Variants in APOOL observed in about 807,000 individuals in gnomAD.
The protein encoded by APOOL is MICOS complex subunit MIC27.
In APOOL, 12 loss-of-function variants were observed where a neutral mutation model predicts 23.1. The observed-to-expected ratio is 0.52, with a 90% CI of 0.33 to 0.84. The LOEUF (loss-of-function observed/expected upper bound fraction) is 0.84, where lower values mean the gene tolerates loss of function less well. APOOL is among the 40% of genes least tolerant of loss of function. The probability of loss-of-function intolerance (pLI) is 0.02; values close to 1 mark genes in which losing one functional copy is unlikely to be tolerated. For missense variants in APOOL, 212 were observed against 199.6 expected (o/e 1.06, Z -0.37); for synonymous variants, 77 against 69.9 (o/e 1.10, Z -0.51).
intron 5 of APOOL, among the ~76,000 whole-genome samples, chrX:85,062,832 T>C (rs774279837): frequency 9.0e-6 from 1 of 111,674 alleles, no homozygotes; most frequent in Admixed American, 9.6e-5. Flanking sequence ...CTTAGGGTTG[T>C]CCTGGCTATA....
intron 5 of APOOL, among the ~76,000 whole-genome samples, chrX:85,063,851 C>G (rs1971946038): frequency 9.0e-6 from 1 of 110,628 alleles, no homozygotes; most frequent in South Asian, 3.8e-4. Flanking sequence ...TTTGTTGTAT[C>G]TCTGCCAGGC....
intron 2 of APOOL, among the ~76,000 whole-genome samples, chrX:85,050,606 C>CAAA (rs58559539): frequency 1.6e-5 from 1 of 62,115 alleles, no homozygotes. Flanking sequence ...AATATAAAAG[C>CAAA]AAAAAAAAAA....
In APOOL at chrX:85,092,343, A is replaced by C; in HGVS notation, c.*4665A>C. 1 of 1,130,358 alleles carries C rather than the reference A, an allele frequency of 8.8e-7. No homozygotes were observed. The highest frequency in any genetic ancestry group is 1.2e-6 in the Non-Finnish European group (1 of 854,609). 93.2% of individuals were successfully genotyped at this position (1,130,358 alleles called of 1,213,427 possible). ...CAAACTGCTGTTAGACTCAGGTGACAGTCAAATGTTGGAGGCTGTGTTGGG... is the reference window on the plus strand; with the variant it reads ...CAAACTGCTGTTAGACTCAGGTGACCGTCAAATGTTGGAGGCTGTGTTGGG... On this transcript the variant is annotated 3_prime_UTR_variant, in exon 9 of 9. Coordinates refer to ENST00000373173, the MANE Select transcript of APOOL (RefSeq NM_198450.6).
chrX:85,085,274 T>G (rs1490084407), intron 8 of APOOL, among the ~76,000 whole-genome samples: 2 of 111,853 alleles, frequency 1.8e-5, no homozygotes, highest in Non-Finnish European at 3.8e-5. Flanking sequence ...CTACTGTGTT[T>G]TGTTGCCTGT....
At chrX:85,068,659 G>A (rs977406107) in intron 6 of APOOL, among the ~76,000 whole-genome samples, 4 of 110,737 alleles carry the variant, frequency 3.6e-5, no homozygotes, top group Non-Finnish European at 7.6e-5. Flanking sequence ...ATCCGCCTCG[G>A]CCTCCCAAAG....
At chrX:85,020,029 G>A (rs1052780871) in intron 1 of APOOL, among the ~76,000 whole-genome samples, 7 of 111,730 alleles carry the variant, frequency 6.3e-5, no homozygotes, top group African/African-American at 2.3e-4. Flanking sequence ...AGAATAGTGG[G>A]AATGCATCCT....
In APOOL at chrX:85,085,170, C is replaced by T. The variant is rs751963293; in HGVS notation, c.719-2420C>T. ...ATAACTTTTAATTTTTAAGTAGTGGCGAGTGTGAATATTTTGAGATAATCT... is the reference window on the plus strand; with the variant it reads ...ATAACTTTTAATTTTTAAGTAGTGGTGAGTGTGAATATTTTGAGATAATCT... On this transcript the variant is annotated intron_variant, in intron 8 of 8. Transcript: ENST00000373173. Among the ~76,000 whole-genome samples the T allele has an allele frequency of 2.7e-5, 3 of 111,493 alleles. No individual in the cohort carries two copies. In the South Asian group the frequency reaches 1.1e-3, roughly 43 times the overall value.
chrX:85,061,636 C>G (rs989953096), intron 5 of APOOL, among the ~76,000 whole-genome samples: 7 of 111,496 alleles, frequency 6.3e-5, no homozygotes, highest in Admixed American at 2.9e-4. Context: ...AGGAATTTAT[C>G]CATTTCTCCT....
intron 1 of APOOL, among the ~76,000 whole-genome samples, chrX:85,037,992 C>T (rs1009307286): frequency 7.1e-4 from 79 of 111,843 alleles, no homozygotes; most frequent in African/African-American, 2.4e-3. Context: ...CCTAATTAAA[C>T]TAAAAAGCTT....
intron 8 of APOOL, among the ~76,000 whole-genome samples, chrX:85,082,414 C>A (rs966254802): frequency 3.6e-5 from 4 of 110,526 alleles, no homozygotes; most frequent in Admixed American, 9.8e-5. Context: ...TTGGGTATAC[C>A]GAGCGGAGGC....
intron 5 of APOOL, among the ~76,000 whole-genome samples, chrX:85,064,340 A>ATTTT (rs745593279): frequency 9.5e-5 from 7 of 73,348 alleles, no homozygotes; most frequent in African/African-American, 3.0e-4. Flanking sequence ...CAGCTCCTGG[A>ATTTT]TTTTTTTTTT....
chrX:85,059,221 G>A (rs1385748731), intron 5 of APOOL, among the ~76,000 whole-genome samples: 1 of 109,344 alleles, frequency 9.1e-6, no homozygotes, highest in African/African-American at 3.3e-5. Context: ...CATTTTTTAT[G>A]GCTGCATATT....
At chrX:85,030,650 C>T (rs763626745) in intron 1 of APOOL, among the ~76,000 whole-genome samples, 1 of 111,756 alleles carries the variant, frequency 8.9e-6, no homozygotes, top group South Asian at 3.7e-4. Context: ...TGAAGTAACT[C>T]AGGAATGGAA....
intron 1 of APOOL, among the ~76,000 whole-genome samples, chrX:85,033,462 C>T (rs1335857346): frequency 9.0e-6 from 1 of 111,664 alleles, no homozygotes; most frequent in South Asian, 3.8e-4. Flanking sequence ...TGGGCAACAG[C>T]GAAAAATGGA....
At chrX:85,016,792 C>T (rs1300949383) in intron 1 of APOOL, among the ~76,000 whole-genome samples, 3 of 112,276 alleles carry the variant, frequency 2.7e-5, no homozygotes, top group Admixed American at 1.9e-4. Context: ...AGAAACTACC[C>T]ACCAGCAGAA....
intron 7 of APOOL, 31 bp from the exon 8 acceptor site, chrX:85,074,243 C>T: frequency 8.3e-7 from 1 of 1,207,739 alleles, no homozygotes; most frequent in Non-Finnish European, 1.1e-6. Flanking sequence ...AAATGATTTA[C>T]TTATGAAGGA....
intron 5 of APOOL, among the ~76,000 whole-genome samples, chrX:85,057,081 T>C (rs745501715): frequency 1.8e-5 from 2 of 112,158 alleles, no homozygotes; most frequent in South Asian, 7.5e-4. Context: ...TTCCTTCATA[T>C]GGATGTGCCA....
At position 85,044,605 on chromosome X, in the gene APOOL, G is replaced by C. The variant is rs112079977; in HGVS notation, c.16-1841G>C. Among the ~76,000 whole-genome samples the C allele has an allele frequency of 5.6e-3, 622 of 110,823 alleles. 1 individual carries two copies. The highest frequency in any genetic ancestry group is 0.019 in the African/African-American group (589 of 30,482). ...CCTAAGCTCATATTTTTTTTCCATT[G>C]TGCCATACTGCCTCCTCAATAAAAG... On this transcript the variant is annotated intron_variant, in intron 1 of 8. Transcript: ENST00000373173.
At chrX:85,025,853 G>T (rs1921823965) in intron 1 of APOOL, among the ~76,000 whole-genome samples, 1 of 112,647 alleles carries the variant, frequency 8.9e-6, no homozygotes, top group South Asian at 3.6e-4. Flanking sequence ...TAGGTGCAGG[G>T]TGCAAGCAGC....
Sources: gnomAD v4.1 joint callset for allele counts (sites outside exome capture counted in the v4.1 genomes callset) on GRCh38, gnomAD v4.1.1 for gene constraint, MANE v1.5 for transcripts, NCBI Gene and HGNC (gene_info 2026-07-23, HGNC 2026-07-21) for gene names.